The following FBXO38 variants were observed in gnomAD, a reference collection of about 807,000 sequenced individuals.
FBXO38 encodes the protein F-box protein 38, also known as F-box only protein 38.
Under a neutral mutation model 131.9 loss-of-function variants are expected in FBXO38, and 53 were observed. That is an observed-to-expected ratio of 0.40 (90% CI 0.32 to 0.51). The LOEUF is 0.51. Ranked by LOEUF, FBXO38 falls within the 20% of genes least tolerant of loss-of-function variation. The probability of loss-of-function intolerance (pLI) is 0.53; values close to 1 mark genes in which losing one functional copy is unlikely to be tolerated. For synonymous variants in FBXO38, 452 were observed against 505.6 expected, an observed-to-expected ratio of 0.89 and a Z score of 1.42; for missense variants, 1,076 against 1,475.6, an observed-to-expected ratio of 0.73 and a Z score of 4.44.
At chr5:148,409,642 A>G (rs1405613927) in intron 8 of FBXO38, among the ~76,000 whole-genome samples, 1 of 152,240 alleles carries the variant, frequency 6.6e-6, no homozygotes, top group African/African-American at 2.4e-5. Flanking sequence ...CAGCTTTTCC[A>G]AAGTCTGACC....
chr5:148,433,407 T>G lies in FBXO38; in HGVS notation c.2654-17T>G. 1 of 1,593,428 alleles carries G rather than the reference T, an allele frequency of 6.3e-7. No homozygotes were observed. Among genetic ancestry groups the G allele is most frequent in the Non-Finnish European group, 8.6e-7 (1 of 1,168,634 alleles). On this transcript the variant is annotated splice_polypyrimidine_tract_variant and intron_variant, in intron 15 of 21. Transcript: ENST00000340253. ...CAAGGCTAAAATTTGGATTTTCTTT[T>G]TTTTTGCCTTTTTTAGAAGTAGCCA...
chr5:148,394,990 C>A, intron 2 of FBXO38, 86 bp downstream of exon 2: 1 of 1,232,380 alleles, frequency 8.1e-7, no homozygotes, highest in Non-Finnish European at 1.1e-6. Flanking sequence ...TAGCTACCAG[C>A]TACATGCAGC....
At chr5:148,385,616 G>A (rs1757872784) in intron 1 of FBXO38, among the ~76,000 whole-genome samples, 1 of 152,076 alleles carries the variant, frequency 6.6e-6, no homozygotes, top group Admixed American at 6.6e-5. Flanking sequence ...ATCCTGTTGG[G>A]GGGTTTTTGT....
intron 7 of FBXO38, among the ~76,000 whole-genome samples, chr5:148,407,923 T>G (rs1354893088): frequency 6.7e-6 from 1 of 148,256 alleles, no homozygotes; most frequent in Non-Finnish European, 1.5e-5. Flanking sequence ...AGACTCTGTC[T>G]CAAAAAAAAA....
At chr5:148,430,082 A>T (rs1475604932) in intron 15 of FBXO38, 1 of 150,934 alleles carries the variant, frequency 6.6e-6, no homozygotes, top group Non-Finnish European at 1.5e-5. Flanking sequence ...TTTTAATATT[A>T]TTAAAGTCCC....
intron 12 of FBXO38, among the ~76,000 whole-genome samples, chr5:148,422,999 C>T (rs1753527020): frequency 6.6e-6 from 1 of 152,008 alleles, no homozygotes. Flanking sequence ...AACCACTGGA[C>T]TACTATTCTT....
chr5:148,422,122 T>A, intron 12 of FBXO38, among the ~76,000 whole-genome samples: 1 of 152,170 alleles, frequency 6.6e-6, no homozygotes, highest in Non-Finnish European at 1.5e-5. Context: ...AAATTAGTTC[T>A]TATAGCAACC....
intron 5 of FBXO38, among the ~76,000 whole-genome samples, chr5:148,402,871 C>G (rs751182234): frequency 2.0e-5 from 3 of 152,000 alleles, no homozygotes; most frequent in Non-Finnish European, 4.4e-5. Context: ...TATTTGTTTA[C>G]TACTTTATTC....
intron 1 of FBXO38, chr5:148,389,880 T>C (rs915896667): frequency 6.6e-6 from 1 of 151,786 alleles, no homozygotes; most frequent in African/African-American, 2.4e-5. Context: ...AATACAAAAA[T>C]TAGCCGGGTG....
intron 12 of FBXO38, among the ~76,000 whole-genome samples, chr5:148,419,068 T>C (rs1211413339): frequency 6.6e-6 from 1 of 152,210 alleles, no homozygotes; most frequent in Non-Finnish European, 1.5e-5. Context: ...GCTTCAGCAG[T>C]TACCTAGGAC....
At chr5:148,389,398 A>G (rs1758078695) in intron 1 of FBXO38, among the ~76,000 whole-genome samples, 1 of 152,230 alleles carries the variant, frequency 6.6e-6, no homozygotes, top group African/African-American at 2.4e-5. Context: ...TTTGAAGCAC[A>G]GTAAAGTGAA....
chr5:148,392,457 A>G (rs1758245519), intron 1 of FBXO38, among the ~76,000 whole-genome samples: 1 of 152,116 alleles, frequency 6.6e-6, no homozygotes, highest in South Asian at 2.1e-4. Context: ...CATTTTGAAC[A>G]TAGTGTTTTT....
At chr5:148,399,246 C>G (rs1752002989) in intron 3 of FBXO38, 114 bp downstream of exon 3, 3 of 1,203,270 alleles carry the variant, frequency 2.5e-6, no homozygotes, top group Non-Finnish European at 3.5e-6. Context: ...ACCTTGTAGG[C>G]TGGCAAGATT....
intron 12 of FBXO38, among the ~76,000 whole-genome samples, chr5:148,418,251 A>C (rs1427953774): frequency 6.6e-6 from 1 of 152,084 alleles, no homozygotes; most frequent in Non-Finnish European, 1.5e-5. Flanking sequence ...GCATCTCTGA[A>C]ACGATTTTGC....
intron 9 of FBXO38, 46 bp from the exon 10 acceptor site, chr5:148,414,090 C>T (rs761381583): frequency 1.9e-5 from 30 of 1,561,006 alleles, no homozygotes; most frequent in Non-Finnish European, 1.9e-5. Flanking sequence ...CTCCCTAACA[C>T]TTAAGAATTT....
intron 12 of FBXO38, 184 bp from the exon 13 acceptor site, chr5:148,423,814 G>T: frequency 2.1e-6 from 1 of 485,732 alleles, no homozygotes; most frequent in South Asian, 2.7e-5. Flanking sequence ...CTCTCCTGTA[G>T]ACTGATTAAA....
rs772218730 is a variant in FBXO38 at position 148,424,075 on chromosome 5, A to G, written c.1696A>G (p.Ser566Gly). 1.2e-6 allele frequency: 2 copies of G among 1,613,730 alleles called. No homozygotes were observed. The highest frequency in any genetic ancestry group is 1.7e-6 in the Non-Finnish European group (2 of 1,179,692). The stretch of plus-strand genomic sequence containing the variant: ...GAGTGGAAATAATACTCCAGCTCAC[A>G]GCCAGGCAATTATTCCTGTGGATGT... ...AESGNNTPAHSQAIIPVDVDE... is the reference protein window; with the variant it reads ...AESGNNTPAHGQAIIPVDVDE... Residue 566 changes from serine (S) to glycine (G), a missense_variant, in exon 13 of 22, where the codon AGC becomes GGC. Ser to Gly is a moderately conservative substitution (Grantham distance 56, BLOSUM62 0). Coordinates refer to ENST00000340253, the MANE Select transcript of FBXO38 (RefSeq NM_205836.3).
chr5:148,393,235 G>GTGTGTGTGTGTGTGTGTGT (rs1758305426), intron 1 of FBXO38, among the ~76,000 whole-genome samples: 1 of 145,604 alleles, frequency 6.9e-6, no homozygotes, highest in Non-Finnish European at 1.5e-5. Flanking sequence ...GTGTGTGTGT[G>GTGTGTGTGTGTGTGTGTGT]ATGAGAGGCA....
chr5:148,385,726 G>T (rs559987085), intron 1 of FBXO38, among the ~76,000 whole-genome samples: 1 of 152,248 alleles, frequency 6.6e-6, no homozygotes, highest in South Asian at 2.1e-4. Context: ...AGATACACAA[G>T]ATAGTCTATG....
Sources: allele counts gnomAD v4.1 joint callset (sites outside exome capture counted in the v4.1 genomes callset), GRCh38; gene constraint gnomAD v4.1.1; transcripts MANE v1.5; gene names NCBI Gene and HGNC (gene_info 2026-07-23, HGNC 2026-07-21).